The following SNX30 variants were observed in gnomAD, a reference collection of about 807,000 sequenced individuals.
The protein encoded by SNX30 is sorting nexin-30.
A neutral mutation model predicts 46.4 loss-of-function variants in SNX30; 24 were observed. The observed-to-expected ratio is 0.52, with a 90% CI of 0.37 to 0.73. The LOEUF (loss-of-function observed/expected upper bound fraction) is 0.73, where lower values mean the gene tolerates loss of function less well. Among genes scored for constraint, SNX30 ranks in the 30% least tolerant of loss-of-function variants. The pLI is 0.00. For synonymous variants in SNX30, 189 were observed against 211.5 expected (o/e 0.89, Z 0.92); for missense variants, 533 against 555.7 (o/e 0.96, Z 0.41).
At chr9:112,828,378 G>A (rs1166892044) in intron 3 of SNX30, among the ~76,000 whole-genome samples, 1 of 152,092 alleles carries the variant, frequency 6.6e-6, no homozygotes, top group East Asian at 1.9e-4. Flanking sequence ...TATCGCCTCG[G>A]TGTGTAGTAG....
downstream of SNX30, chr9:112,885,018 G>A (rs192732895): frequency 1.3e-5 from 2 of 152,272 alleles, no homozygotes; most frequent in Admixed American, 1.3e-4. Flanking sequence ...AGGAACACAC[G>A]AAAAGTCCTT....
intron 6 of SNX30, among the ~76,000 whole-genome samples, chr9:112,850,538 G>A (rs141395233): frequency 2.6e-5 from 4 of 152,364 alleles, no homozygotes; most frequent in African/African-American, 7.2e-5. Context: ...ACACAGTGAC[G>A]CGGAGAGTCC....
rs141678546 is a variant in SNX30 at position 112,871,393 on chromosome 9, G to T, written c.*2550G>T. 1.3e-5 allele frequency: 2 copies of T among 152,206 alleles called. No individual in the cohort carries two copies. The highest frequency in any genetic ancestry group is 2.9e-5 in the Non-Finnish European group (2 of 68,014). The allele number at this position is 152,206 out of a possible 1,614,324, so 9.4% of individuals were successfully genotyped here. A position where few individuals can be genotyped will look rare whatever the true frequency, so the allele number is the denominator to read the frequency against. ...TCCCCTGGGCCTCTGAGGGCCAGCAGTCCCAACCATTTGCCTCTTCGTTTT... is the reference window on the plus strand; with the variant it reads ...TCCCCTGGGCCTCTGAGGGCCAGCATTCCCAACCATTTGCCTCTTCGTTTT... On this transcript the variant is annotated 3_prime_UTR_variant, in exon 9 of 9. Transcript: ENST00000374232.
At chr9:112,841,476 AT>A (rs1840857805) in intron 6 of SNX30, among the ~76,000 whole-genome samples, 1 of 152,156 alleles carries the variant, frequency 6.6e-6, no homozygotes, top group East Asian at 1.9e-4. Flanking sequence ...AGTGAATGGG[AT>A]TGATTGTACA....
intron 1 of SNX30, among the ~76,000 whole-genome samples, chr9:112,756,235 T>C (rs971502498): frequency 1.3e-5 from 2 of 152,006 alleles, no homozygotes; most frequent in African/African-American, 4.8e-5. Flanking sequence ...GAAACAAATA[T>C]CCACTACAGA....
chr9:112,879,716 G>A (rs1218898771), downstream of SNX30: 1 of 1,563,100 alleles, frequency 6.4e-7, no homozygotes, highest in Non-Finnish European at 8.8e-7. Context: ...TGTCTTCTGG[G>A]GGCCTGGCCA....
chr9:112,841,744 A>T (rs1190029163), intron 6 of SNX30, among the ~76,000 whole-genome samples: 8 of 152,252 alleles, frequency 5.3e-5, no homozygotes, highest in Non-Finnish European at 1.2e-4. Context: ...GGAGAATGAT[A>T]GATGTCTTAA....
At chr9:112,817,396 A>T (rs369275695) in intron 2 of SNX30, among the ~76,000 whole-genome samples, 1 of 53,830 alleles carries the variant, frequency 1.9e-5, no homozygotes, top group Non-Finnish European at 3.2e-5. Flanking sequence ...AAAAAAAAAA[A>T]CTGGCTTTTT....
chr9:112,875,607 A>G (rs2084372459), downstream of SNX30, among the ~76,000 whole-genome samples: 1 of 152,218 alleles, frequency 6.6e-6, no homozygotes, highest in African/African-American at 2.4e-5. Context: ...GGGGTTGTCG[A>G]TAGGACTAGC....
At chr9:112,823,625 A>G (rs1293521760) in intron 3 of SNX30, among the ~76,000 whole-genome samples, 1 of 152,204 alleles carries the variant, frequency 6.6e-6, no homozygotes, top group Non-Finnish European at 1.5e-5. Context: ...TAAGGAAGAA[A>G]GCTTTCTGGA....
rs1345184802 is a variant in SNX30, at chr9:112,872,483, C to T, written c.*3640C>T. On this transcript the variant is annotated 3_prime_UTR_variant, in exon 9 of 9. Transcript: ENST00000374232. The stretch of plus-strand genomic sequence containing the variant: ...GGAGGAAGAGGGAAGTCAAGAGCAA[C>T]CTCCAAGGCCTATGTCAGCCTCTTC... 6.6e-6 allele frequency: 1 copy of T among 152,320 alleles called. No individual in the cohort carries two copies. Among genetic ancestry groups the T allele is most frequent in the Non-Finnish European group, 1.5e-5 (1 of 68,168 alleles). 9.4% of individuals were successfully genotyped at this position (152,320 alleles called of 1,614,324 possible).
chr9:112,851,618 C>G (rs1359847598), intron 7 of SNX30, among the ~76,000 whole-genome samples: 4 of 152,194 alleles, frequency 2.6e-5, no homozygotes. Flanking sequence ...CTAGACAGAG[C>G]TGATTTATCA....
chr9:112,825,316 A>G (rs150583058), intron 3 of SNX30, among the ~76,000 whole-genome samples: 1 of 152,226 alleles, frequency 6.6e-6, no homozygotes, highest in African/African-American at 2.4e-5. Flanking sequence ...TTTTTTTGAG[A>G]CAGGATCTCA....
chr9:112,864,831 C>T (rs781494282), intron 8 of SNX30, among the ~76,000 whole-genome samples: 2 of 152,010 alleles, frequency 1.3e-5, no homozygotes, highest in Non-Finnish European at 2.9e-5. Context: ...AGACCCCTCA[C>T]CAAAATACTG....
chr9:112,846,954 G>C (rs756948994), intron 6 of SNX30, among the ~76,000 whole-genome samples: 1 of 152,202 alleles, frequency 6.6e-6, no homozygotes, highest in Admixed American at 6.5e-5. Context: ...AAGGGATGCT[G>C]TGCTTTCCCG....
Position 112,769,976 on chromosome 9 carries a change from C to T in SNX30, c.156+18819C>T, listed in dbSNP as rs138311253. Among the ~76,000 whole-genome samples the T allele has an allele frequency of 1.2e-3, 178 of 152,180 alleles. 1 individual carries two copies. Among genetic ancestry groups the T allele is most frequent in the African/African-American group, 4.0e-3 (167 of 41,520 alleles). On this transcript the variant is annotated intron_variant, in intron 1 of 8. Coordinates refer to ENST00000374232, the MANE Select transcript of SNX30 (RefSeq NM_001012994.2). ...AAATACCATGTCCAGAATCTCATCA[C>T]TTCTCACTCTCTCCACTGCTGCTAC... is the stretch of plus-strand genomic sequence containing the variant.
At chr9:112,885,138 A>ATAGC (rs1419880337), downstream of SNX30, 15 of 152,118 alleles carry the variant, frequency 9.9e-5, no homozygotes, top group African/African-American at 3.6e-4. Flanking sequence ...TGGTCTTCCT[A>ATAGC]TCTTATTTTT....
chr9:112,797,711 C>CTTTTTTTTT (rs71384277), intron 1 of SNX30, among the ~76,000 whole-genome samples: 8 of 121,352 alleles, frequency 6.6e-5, no homozygotes, highest in African/African-American at 9.4e-5. Context: ...TTTTCTTTTT[C>CTTTTTTTTT]TTTTTTTTTT....
chr9:112,840,072 G>C (rs772957769), intron 6 of SNX30, among the ~76,000 whole-genome samples: 1 of 152,196 alleles, frequency 6.6e-6, no homozygotes, highest in Admixed American at 6.5e-5. Flanking sequence ...AACTGTGGAC[G>C]GTGGAAAATG....
Sources: allele counts gnomAD v4.1 joint callset (sites outside exome capture counted in the v4.1 genomes callset), GRCh38; gene constraint gnomAD v4.1.1; transcripts MANE v1.5; gene names NCBI Gene and HGNC (gene_info 2026-07-23, HGNC 2026-07-21).